The following CDK13 variants were observed in gnomAD, a reference collection of about 807,000 sequenced individuals.
CDK13 encodes the protein cyclin dependent kinase 13, also known as cyclin-dependent kinase 13.
In CDK13, 40 loss-of-function variants were observed where a neutral mutation model predicts 137.6. That is an observed-to-expected ratio of 0.29 (90% CI 0.23 to 0.38). CDK13 has a LOEUF of 0.38. CDK13 is among the 10% of genes least tolerant of loss of function. The pLI is 1.00. For missense variants in CDK13, 1,704 were observed against 1,951.8 expected (o/e 0.87, Z 2.39); for synonymous variants, 869 against 760.1 (o/e 1.14, Z -2.36).
rs72210233 is a variant in CDK13, at chr7:39,996,961, C to CAAAAAAAAAAA, written c.1872-528_1872-518dup. ...CTTGGGTGACAGTGAGATTCCATCT[C>CAAAAAAAAAAA]AAAAAAAAAAAAAAAGAAAAAAAAA... On this transcript the variant is annotated intron_variant, in intron 2 of 13. Transcript: ENST00000181839. Among the ~76,000 whole-genome samples, 104 of 83,206 alleles carry CAAAAAAAAAAA rather than the reference C, an allele frequency of 1.2e-3. 10 individuals are homozygous for CAAAAAAAAAAA. The highest frequency in any genetic ancestry group is 7.0e-3 in the African/African-American group (89 of 12,694). The allele number at this position is 83,206 out of a possible 152,430, so 54.6% of individuals were successfully genotyped here. A position where few individuals can be genotyped will look rare whatever the true frequency, so the allele number is the denominator to read the frequency against.
chr7:40,044,705 C>T (rs540915387), intron 5 of CDK13, among the ~76,000 whole-genome samples: 7 of 152,158 alleles, frequency 4.6e-5, no homozygotes, highest in South Asian at 2.1e-4. Context: ...AGCGTGATCT[C>T]GGCTCACTGC....
intron 7 of CDK13, among the ~76,000 whole-genome samples, chr7:40,054,967 G>T (rs1393613895): frequency 6.6e-6 from 1 of 152,078 alleles, no homozygotes; most frequent in East Asian, 1.9e-4. Flanking sequence ...GATTACTTGA[G>T]CCTAGAAGTT....
In CDK13 at chr7:39,976,323, T is replaced by TCTCTCTCTCACACACACA; in HGVS notation, c.1212-11275_1212-11274insTCTCTCTCACACACACAC. ...CTCTCTCTCTCTCTCTCTCTCTCTC[T>TCTCTCTCTCACACACACA]CACACACACACACACACACACACAC... On this transcript the variant is annotated intron_variant, in intron 1 of 13. Coordinates refer to ENST00000181839, the MANE Select transcript of CDK13 (RefSeq NM_003718.5). Among the ~76,000 whole-genome samples the TCTCTCTCTCACACACACA allele has an allele frequency of 9.8e-3, 387 of 39,524 alleles. 9 individuals are homozygous for TCTCTCTCTCACACACACA. Among genetic ancestry groups the TCTCTCTCTCACACACACA allele is most frequent in the African/African-American group, 0.019 (273 of 14,580 alleles). The allele number at this position is 39,524 out of a possible 152,430, so 25.9% of individuals were successfully genotyped here.
At chr7:39,959,242 A>G (rs1432329111) in intron 1 of CDK13, among the ~76,000 whole-genome samples, 3 of 151,054 alleles carry the variant, frequency 2.0e-5, no homozygotes, top group African/African-American at 7.3e-5. Context: ...GCTCACCGCA[A>G]CCTCTGCCTC....
chr7:40,052,619 C>T (rs1785917270), intron 7 of CDK13, among the ~76,000 whole-genome samples: 1 of 152,136 alleles, frequency 6.6e-6, no homozygotes. Flanking sequence ...AGCATTAGCT[C>T]ACTAATACCA....
intron 2 of CDK13, among the ~76,000 whole-genome samples, chr7:39,989,376 A>G (rs1466285899): frequency 2.0e-5 from 3 of 151,118 alleles, no homozygotes; most frequent in Non-Finnish European, 4.4e-5. Flanking sequence ...AAAAGCAACT[A>G]TATGAGTAGT....
chr7:40,006,659 G>A (rs919733542), intron 5 of CDK13, among the ~76,000 whole-genome samples: 3 of 152,106 alleles, frequency 2.0e-5, no homozygotes, highest in African/African-American at 7.2e-5. Flanking sequence ...ACACACGCCT[G>A]TAATCCCAGC....
At chr7:40,069,602 A>G (rs1256731489) in intron 9 of CDK13, 4 of 255,862 alleles carry the variant, frequency 1.6e-5, no homozygotes, top group African/African-American at 6.6e-5. Context: ...AGGCTCAGGA[A>G]TGATGAGACC....
At chr7:39,974,556 C>CTTTTTTTTTTTT (rs59844316) in intron 1 of CDK13, among the ~76,000 whole-genome samples, 1 of 132,992 alleles carries the variant, frequency 7.5e-6, no homozygotes, top group Non-Finnish European at 1.6e-5. Context: ...TTCTTTTTTT[C>CTTTTTTTTTTTT]TTTTTTTTTT....
intron 5 of CDK13, among the ~76,000 whole-genome samples, chr7:40,024,865 T>C (rs967685613): frequency 6.6e-6 from 1 of 152,124 alleles, no homozygotes; most frequent in African/African-American, 2.4e-5. Flanking sequence ...GGTTTCACCA[T>C]GTTAGCCAGG....
In CDK13 at chr7:39,951,324, C is replaced by A. The variant is rs1787179018; in HGVS notation, c.683C>A (p.Ala228Asp). Residue 228 changes from alanine (A) to aspartate (D), a missense_variant, in exon 1 of 14, where the codon GCC becomes GAC. Around this residue, in one of 5 missense-constraint regions of CDK13, gnomAD observed 1,051 missense variants for 931.0 expected, o/e 1.13. Transcript: ENST00000181839. ...GATGGGCAGCGCGGTGGCAGCGAGGCCTCCAAGTCCCGCAGCCGCCACAGC... is the reference window on the plus strand; with the variant it reads ...GATGGGCAGCGCGGTGGCAGCGAGGACTCCAAGTCCCGCAGCCGCCACAGC... Reference protein sequence around the residue: ...RRDGQRGGSEASKSRSRHSHS... With the variant: ...RRDGQRGGSEDSKSRSRHSHS... 7.1e-7 allele frequency: 1 copy of A among 1,415,796 alleles called. No homozygotes were observed. The highest frequency in any genetic ancestry group is 3.0e-5 in the East Asian group (1 of 33,614). The allele number at this position is 1,415,796 out of a possible 1,614,324, so 87.7% of individuals were successfully genotyped here. A position where few individuals can be genotyped will look rare whatever the true frequency, so the allele number is the denominator to read the frequency against.
chr7:40,054,435 C>CT (rs962469317), intron 7 of CDK13, among the ~76,000 whole-genome samples: 52 of 146,228 alleles, frequency 3.6e-4, no homozygotes, highest in South Asian at 8.7e-4. Flanking sequence ...AGTCTGATGA[C>CT]TTTTTTTTTT....
At chr7:40,017,159 A>G (rs1264781915) in intron 5 of CDK13, among the ~76,000 whole-genome samples, 1 of 152,140 alleles carries the variant, frequency 6.6e-6, no homozygotes, top group Non-Finnish European at 1.5e-5. Flanking sequence ...GTATTCTGTA[A>G]TTCTATAATT....
intron 2 of CDK13, among the ~76,000 whole-genome samples, chr7:39,990,995 G>A (rs565150815): frequency 4.4e-4 from 67 of 150,952 alleles, no homozygotes; most frequent in Middle Eastern, 6.8e-3. Context: ...ATGTAGATCC[G>A]GTGTGTAACG....
chr7:40,042,062 T>G (rs1785617639), intron 5 of CDK13, among the ~76,000 whole-genome samples: 1 of 152,146 alleles, frequency 6.6e-6, no homozygotes, highest in Non-Finnish European at 1.5e-5. Flanking sequence ...TTTTCTGTTG[T>G]GGGATTGGTA....
chr7:39,989,851 CGGCTCACTGCA>C (rs1562715369), intron 2 of CDK13, among the ~76,000 whole-genome samples: 1 of 150,640 alleles, frequency 6.6e-6, no homozygotes, highest in Admixed American at 6.6e-5. Flanking sequence ...GGCGCTCTCT[CGGCTCACTGCA>C]AGCTCTGCCT....
intron 5 of CDK13, among the ~76,000 whole-genome samples, chr7:40,009,346 A>G (rs1265378958): frequency 1.3e-5 from 2 of 152,148 alleles, no homozygotes; most frequent in Non-Finnish European, 2.9e-5. Flanking sequence ...AGTTCCTTCT[A>G]TTGAAGTTTT....
intron 1 of CDK13, chr7:39,986,792 G>T (rs576472024): frequency 6.6e-6 from 1 of 152,090 alleles, no homozygotes; most frequent in Admixed American, 6.6e-5. Flanking sequence ...GTGTGTTTAC[G>T]TGAGTAAAGT....
intron 1 of CDK13, among the ~76,000 whole-genome samples, chr7:39,976,165 G>A: frequency 6.6e-6 from 1 of 151,874 alleles, no homozygotes; most frequent in East Asian, 1.9e-4. Flanking sequence ...GTAGTGGTGG[G>A]TGCCGTAATC....
Sources: allele counts gnomAD v4.1 joint callset (sites outside exome capture counted in the v4.1 genomes callset), GRCh38; gene constraint gnomAD v4.1.1; regional missense constraint gnomAD v4.1.1; transcripts MANE v1.5; gene names NCBI Gene and HGNC (gene_info 2026-07-23, HGNC 2026-07-21).